AP2B1: variants seen among roughly 807,000 people sequenced by gnomAD.
AP2B1 encodes adaptor related protein complex 2 subunit beta 1, also known as AP-2 complex subunit beta.
AP2B1 carries 23 observed loss-of-function variants against 102.0 expected under a neutral mutation model. That is an observed-to-expected ratio of 0.23 (90% CI 0.16 to 0.32). The LOEUF (loss-of-function observed/expected upper bound fraction) is 0.32. Among genes scored for constraint, AP2B1 ranks in the 10% least tolerant of loss-of-function variants. The probability of loss-of-function intolerance (pLI) is 1.00; values close to 1 mark genes in which losing one functional copy is unlikely to be tolerated. For missense variants in AP2B1, 541 were observed against 1,157.4 expected, an observed-to-expected ratio of 0.47 and a Z score of 7.73; for synonymous variants, 381 against 421.2, an observed-to-expected ratio of 0.90 and a Z score of 1.17.
intron 18 of AP2B1, among the ~76,000 whole-genome samples, chr17:35,697,045 C>G (rs2076154659): frequency 6.6e-6 from 1 of 152,226 alleles, no homozygotes. Flanking sequence ...TTCATCTTAA[C>G]AAACAGAGTA....
At chr17:35,716,347 C>T (rs2076550973) in intron 20 of AP2B1, among the ~76,000 whole-genome samples, 1 of 152,124 alleles carries the variant, frequency 6.6e-6, no homozygotes. Flanking sequence ...GAGAAATAAC[C>T]TTTAATTCTG....
chr17:35,638,188 G>T (rs1387412738), intron 10 of AP2B1, among the ~76,000 whole-genome samples: 1 of 152,170 alleles, frequency 6.6e-6, no homozygotes, highest in East Asian at 1.9e-4. Context: ...GATTGGTAGA[G>T]AAATGTATCC....
chr17:35,640,244 T>TA lies in AP2B1; in HGVS notation c.1437+484_1437+485insA, dbSNP rs56127913. On this transcript the variant is annotated intron_variant, in intron 11 of 21. Coordinates refer to ENST00000610402, the MANE Select transcript of AP2B1 (RefSeq NM_001030006.2). Reference sequence around the variant, plus strand: ...TTTTACTGATTTTTTTTTTTTTTTTTTTTTTTTTTTTGAGACAGTTTCACT... The same window carrying TA: ...TTTTACTGATTTTTTTTTTTTTTTTTATTTTTTTTTTTGAGACAGTTTCACT... 2.7e-3 allele frequency among the ~76,000 whole-genome samples: 367 copies of TA among 136,796 alleles called. 5 individuals are homozygous for TA. Among genetic ancestry groups the TA allele is most frequent in the African/African-American group, 7.9e-3 (282 of 35,600 alleles). The allele number at this position is 136,796 out of a possible 152,430, so 89.7% of individuals were successfully genotyped here.
At chr17:35,618,772 T>C (rs1201112517) in intron 5 of AP2B1, among the ~76,000 whole-genome samples, 1 of 152,172 alleles carries the variant, frequency 6.6e-6, no homozygotes, top group Non-Finnish European at 1.5e-5. Context: ...AGCTCACTCC[T>C]TTTTTAACAA....
chr17:35,657,505 A>T (rs1024344931), intron 13 of AP2B1, 94 bp from the exon 14 acceptor site: 20 of 949,908 alleles, frequency 2.1e-5, no homozygotes, highest in Non-Finnish European at 6.3e-6. Context: ...TTTGATAGTT[A>T]TATATAGCTA....
chr17:35,643,101 T>C (rs1250244510), intron 12 of AP2B1, among the ~76,000 whole-genome samples: 1 of 151,446 alleles, frequency 6.6e-6, no homozygotes, highest in Non-Finnish European at 1.5e-5. Flanking sequence ...GTCTTTTGGC[T>C]TCCCTGGGCC....
intron 18 of AP2B1, among the ~76,000 whole-genome samples, chr17:35,707,478 A>C: frequency 1.8e-5 from 2 of 109,918 alleles, no homozygotes; most frequent in Non-Finnish European, 1.8e-5. Context: ...TTTTTGACAG[A>C]GTCTTGCTTT....
intron 5 of AP2B1, among the ~76,000 whole-genome samples, chr17:35,622,935 G>A (rs148180108): frequency 0.063 from 9,533 of 152,208 alleles, 414 homozygotes; most frequent in Middle Eastern, 0.11. Context: ...AAAGTGTTGG[G>A]TTTACAGGCG....
chr17:35,650,845 G>C, intron 13 of AP2B1, 56 bp downstream of exon 13: 1 of 1,570,870 alleles, frequency 6.4e-7, no homozygotes, highest in South Asian at 1.2e-5. Flanking sequence ...AGACAGCGTT[G>C]CTCTTCTTTA....
In AP2B1 at chr17:35,646,300, T is replaced by C. The variant is rs562837805; in HGVS notation, c.1537-4230T>C. Among the ~76,000 whole-genome samples, 20 of 152,316 alleles carry C rather than the reference T, an allele frequency of 1.3e-4. No homozygotes were observed. The South Asian group carries it at 2.9e-3, about 22-fold the overall frequency. On this transcript the variant is annotated intron_variant, in intron 12 of 21. Transcript: ENST00000610402. The stretch of plus-strand genomic sequence containing the variant: ...TTTATCTCGGTCTTGACGGTCTGAA[T>C]TACTGTGGCCTCCATGTAAAATGTG...
intron 10 of AP2B1, among the ~76,000 whole-genome samples, chr17:35,637,055 G>T (rs987506134): frequency 4.6e-5 from 7 of 152,092 alleles, no homozygotes; most frequent in African/African-American, 1.7e-4. Context: ...CAGATTGAGG[G>T]CCTCTTAGTA....
chr17:35,614,967 A>G (rs1483332819), intron 5 of AP2B1, among the ~76,000 whole-genome samples: 2 of 152,200 alleles, frequency 1.3e-5, no homozygotes, highest in African/African-American at 4.8e-5. Flanking sequence ...ATGTCTAGTA[A>G]CATTTTTTTG....
chr17:35,634,351 T>G (rs1354484657), intron 9 of AP2B1, among the ~76,000 whole-genome samples: 1 of 152,196 alleles, frequency 6.6e-6, no homozygotes, highest in African/African-American at 2.4e-5. Flanking sequence ...ATTTTCTTGT[T>G]CAGAATTTTT....
chr17:35,682,956 C>T, intron 18 of AP2B1, 132 bp downstream of exon 18: 2 of 763,222 alleles, frequency 2.6e-6, no homozygotes, highest in Non-Finnish European at 3.7e-6. Context: ...TGGCTCACTG[C>T]AACCTCTGCC....
intron 3 of AP2B1, among the ~76,000 whole-genome samples, chr17:35,599,963 C>T (rs1467760848): frequency 6.6e-6 from 1 of 152,076 alleles, no homozygotes; most frequent in Non-Finnish European, 1.5e-5. Flanking sequence ...GATTTTAATA[C>T]AATCAAGTAC....
intron 14 of AP2B1, among the ~76,000 whole-genome samples, chr17:35,662,810 A>T (rs768291592): frequency 6.6e-6 from 1 of 152,150 alleles, no homozygotes; most frequent in Non-Finnish European, 1.5e-5. Flanking sequence ...TTGTTCATCC[A>T]AGGTGCTGTG....
intron 20 of AP2B1, 107 bp downstream of exon 20, chr17:35,710,427 A>AG: frequency 1.3e-6 from 1 of 743,572 alleles, no homozygotes; most frequent in Non-Finnish European, 2.2e-6. Flanking sequence ...CGTATCTACT[A>AG]TGTTTCTAGT....
At chr17:35,643,505 C>T (rs2074843522) in intron 12 of AP2B1, among the ~76,000 whole-genome samples, 1 of 152,102 alleles carries the variant, frequency 6.6e-6, no homozygotes, top group Non-Finnish European at 1.5e-5. Context: ...GAATTCTGGC[C>T]AGACTTCAAA....
At chr17:35,594,846 T>C (rs891492371) in intron 2 of AP2B1, among the ~76,000 whole-genome samples, 4 of 152,222 alleles carry the variant, frequency 2.6e-5, no homozygotes, top group African/African-American at 9.6e-5. Context: ...CTGGGGAAAG[T>C]CCAACCCTTC....
Sources: gnomAD v4.1 joint callset for allele counts (sites outside exome capture counted in the v4.1 genomes callset) on GRCh38, gnomAD v4.1.1 for gene constraint, MANE v1.5 for transcripts, NCBI Gene and HGNC (gene_info 2026-07-23, HGNC 2026-07-21) for gene names.